DNAH11: variants seen among roughly 807,000 people sequenced by gnomAD.
DNAH11 encodes the protein axonemal beta dynein heavy chain 11.
A neutral mutation model predicts 526.0 loss-of-function variants in DNAH11; 442 were observed. That is an observed-to-expected ratio of 0.84 (90% confidence interval 0.78 to 0.91). The LOEUF is 0.91. Ranked by LOEUF, DNAH11 falls within the 40% of genes least tolerant of loss-of-function variation. The pLI is 0.00. For missense variants in DNAH11, 6,989 were observed against 5,448.7 expected, an observed-to-expected ratio of 1.28 and a Z score of -8.90; for synonymous variants, 2,461 against 1,935.9, an observed-to-expected ratio of 1.27 and a Z score of -7.12.
At chr7:21,564,531 G>A (rs887603295) in intron 6 of DNAH11, 134 bp downstream of exon 6, 1 of 611,758 alleles carries the variant, frequency 1.6e-6, no homozygotes, top group Non-Finnish European at 2.6e-6. Context: ...GACATTTTTG[G>A]TAACAAAGGC....
At chr7:21,600,590 G>T (rs993832033) in intron 15 of DNAH11, 86 bp from the exon 16 acceptor site, 2 of 1,360,066 alleles carry the variant, frequency 1.5e-6, no homozygotes, top group East Asian at 5.1e-5. Flanking sequence ...TCCCTTTGAA[G>T]AATTACCTTG....
At chr7:21,570,002 AG>A in intron 6 of DNAH11, 66 bp from the exon 7 acceptor site, 16 of 1,262,634 alleles carry the variant, frequency 1.3e-5, no homozygotes, top group Non-Finnish European at 1.7e-5. Context: ...TCTTTGAAAC[AG>A]AGACGGTTAC....
intron 76 of DNAH11, among the ~76,000 whole-genome samples, chr7:21,885,052 AATT>A (rs1262590695): frequency 1.3e-5 from 2 of 150,702 alleles, no homozygotes; most frequent in Non-Finnish European, 3.0e-5. Flanking sequence ...AAATATATAT[AATT>A]ATTATTTGTC....
At position 21,588,544 on chromosome 7, in the gene DNAH11, C is replaced by T; in HGVS notation, c.1881C>T (p.Asn627=). ...IECGHVVLNK[N]MPFTSGNMKW... is the part of the protein sequence containing the mutation. ...GTGGTCATGTAGTTCTTAACAAGAA[C>T]ATGCCATTTACCTCAGGAAATATGA... is the stretch of plus-strand genomic sequence containing the variant. Residue 627 remains asparagine, a synonymous_variant, in exon 11 of 82, where the codon AAC becomes AAT. Transcript: ENST00000409508. The T allele has an allele frequency of 1.2e-6, 2 of 1,613,678 alleles. No homozygotes were observed. The highest frequency in any genetic ancestry group is 1.7e-6 in the Non-Finnish European group (2 of 1,179,620).
At chr7:21,730,576 TA>T (rs1421665311) in intron 45 of DNAH11, among the ~76,000 whole-genome samples, 2 of 152,146 alleles carry the variant, frequency 1.3e-5, no homozygotes, top group Non-Finnish European at 2.9e-5. Flanking sequence ...GGACATTAAG[TA>T]AAATAAATCA....
chr7:21,547,802 T>C (rs529428360), intron 2 of DNAH11, among the ~76,000 whole-genome samples: 1 of 152,302 alleles, frequency 6.6e-6, no homozygotes, highest in South Asian at 2.1e-4. Flanking sequence ...TCTTTTCTAT[T>C]TACTTTCTTT....
intron 30 of DNAH11, among the ~76,000 whole-genome samples, chr7:21,665,560 C>CTTATAAAA: frequency 6.6e-6 from 1 of 152,036 alleles, no homozygotes; most frequent in African/African-American, 2.4e-5. Flanking sequence ...TGTTCTCATT[C>CTTATAAAA]TTATAAAATT....
At chr7:21,570,678 C>T (rs12669957) in intron 7 of DNAH11, 18,176 of 157,754 alleles carry the variant, frequency 0.12, 2,076 homozygotes, top group African/African-American at 0.29. Flanking sequence ...ATTTCATACC[C>T]TAAAACCCAT....
intron 72 of DNAH11, 32 bp downstream of exon 72, chr7:21,868,039 C>A (rs922884950): frequency 6.9e-7 from 1 of 1,451,270 alleles, no homozygotes; most frequent in Non-Finnish European, 9.1e-7. Flanking sequence ...TGGCCCGCCC[C>A]TTCTCCCTCC....
intron 67 of DNAH11, among the ~76,000 whole-genome samples, chr7:21,853,465 ATTAAC>A (rs143109967): frequency 0.04 from 6,096 of 152,302 alleles, 154 homozygotes; most frequent in South Asian, 0.14. Context: ...AATTAAGTAA[ATTAAC>A]TTAGCTTTGA....
chr7:21,737,707 C>T (rs1170140534), intron 46 of DNAH11, among the ~76,000 whole-genome samples: 2 of 152,154 alleles, frequency 1.3e-5, no homozygotes, highest in Non-Finnish European at 2.9e-5. Context: ...GAGAGAGAGA[C>T]TACTGGAGGC....
intron 40 of DNAH11, 115 bp downstream of exon 40, chr7:21,707,950 T>C (rs1340806106): frequency 3.6e-6 from 4 of 1,106,366 alleles, no homozygotes; most frequent in African/African-American, 3.1e-5. Flanking sequence ...GTTGGCATTA[T>C]TGGAAATATA....
At chr7:21,553,561 A>T (rs1459735224) in intron 2 of DNAH11, among the ~76,000 whole-genome samples, 1 of 152,136 alleles carries the variant, frequency 6.6e-6, no homozygotes, top group African/African-American at 2.4e-5. Flanking sequence ...ACTCAGAAGG[A>T]ACTCCCCCCA....
intron 2 of DNAH11, among the ~76,000 whole-genome samples, chr7:21,556,109 T>A (rs1344302863): frequency 6.6e-6 from 1 of 152,176 alleles, no homozygotes; most frequent in Non-Finnish European, 1.5e-5. Flanking sequence ...TCACAGACGG[T>A]GCCTAAGTTT....
intron 12 of DNAH11, among the ~76,000 whole-genome samples, chr7:21,590,106 A>G (rs898746839): frequency 1.3e-5 from 2 of 152,170 alleles, no homozygotes; most frequent in Non-Finnish European, 2.9e-5. Flanking sequence ...TATTTTCTCA[A>G]TTCTCATAAT....
intron 25 of DNAH11, 51 bp downstream of exon 25, chr7:21,620,129 C>G (rs1296408247): frequency 7.2e-7 from 1 of 1,384,004 alleles, no homozygotes; most frequent in East Asian, 2.6e-5. Flanking sequence ...TTTTATTTGA[C>G]AAATAATTGT....
intron 33 of DNAH11, 47 bp downstream of exon 33, chr7:21,687,302 A>T (rs1211344767): frequency 1.3e-6 from 2 of 1,555,884 alleles, no homozygotes; most frequent in African/African-American, 2.7e-5. Context: ...CTCTAACATT[A>T]TTCCTGATTG....
chr7:21,626,608 C>T (rs1192208241), intron 25 of DNAH11, among the ~76,000 whole-genome samples: 1 of 152,132 alleles, frequency 6.6e-6, no homozygotes. Context: ...TTGCCAGCAG[C>T]ATCCATTTTT....
chr7:21,770,366 CAA>C (rs1379165274), intron 55 of DNAH11, among the ~76,000 whole-genome samples: 1 of 152,100 alleles, frequency 6.6e-6, no homozygotes, highest in African/African-American at 2.4e-5. Context: ...GTGCGTGAAA[CAA>C]AGTTTTGACT....
Sources: allele counts gnomAD v4.1 joint callset (sites outside exome capture counted in the v4.1 genomes callset), GRCh38; gene constraint gnomAD v4.1.1; transcripts MANE v1.5; gene names NCBI Gene and HGNC (gene_info 2026-07-23, HGNC 2026-07-21).